The following MCTP2 variants were observed in gnomAD, a reference collection of about 807,000 sequenced individuals.
MCTP2 encodes multiple C2 and transmembrane domain-containing protein 2.
Under a neutral mutation model 111.6 loss-of-function variants are expected in MCTP2, and 132 were observed. The ratio of observed to expected loss-of-function variants is 1.18; its 90% CI spans 1.03 to 1.37. The LOEUF (loss-of-function observed/expected upper bound fraction) is 1.37. MCTP2 is among the 40% of genes most tolerant of loss of function. The pLI is 0.00. For missense variants in MCTP2, 1,183 were observed against 1,067.9 expected, an observed-to-expected ratio of 1.11 and a Z score of -1.50; for synonymous variants, 395 against 387.7, an observed-to-expected ratio of 1.02 and a Z score of -0.22.
Position 94,324,891 on chromosome 15 carries a change from G to C in MCTP2, c.637+9254G>C, listed in dbSNP as rs2076788593. Among the ~76,000 whole-genome samples the C allele has an allele frequency of 2.6e-5, 4 of 152,072 alleles. No homozygotes were observed. In the South Asian group the frequency reaches 8.3e-4, roughly 31 times the overall value. On this transcript the variant is annotated intron_variant, in intron 4 of 22. Transcript: ENST00000357742. ...GTTAAAATGACTGATTTAAGTCCTGGTTTTCTTTTGCTATTTAGCAGGCTA... is the reference window on the plus strand; with the variant it reads ...GTTAAAATGACTGATTTAAGTCCTGCTTTTCTTTTGCTATTTAGCAGGCTA...
chr15:94,358,261 G>A (rs1467786083), intron 9 of MCTP2, among the ~76,000 whole-genome samples: 1 of 152,156 alleles, frequency 6.6e-6, no homozygotes, highest in Non-Finnish European at 1.5e-5. Flanking sequence ...TAACTTGGTG[G>A]ATAAATTATT....
At chr15:94,474,893 A>G (rs985119886) in intron 21 of MCTP2, among the ~76,000 whole-genome samples, 9 of 151,478 alleles carry the variant, frequency 5.9e-5, no homozygotes, top group Admixed American at 3.9e-4. Context: ...GTCTCAGTGC[A>G]TTGTGGAATA....
chr15:94,326,825 C>T (rs1396484253), intron 4 of MCTP2, among the ~76,000 whole-genome samples: 1 of 104,388 alleles, frequency 9.6e-6, no homozygotes, highest in Non-Finnish European at 2.1e-5. Flanking sequence ...CCCACCCCCC[C>T]CCAACCTCGG....
At chr15:94,425,724 A>C (rs2082855682) in intron 17 of MCTP2, among the ~76,000 whole-genome samples, 1 of 152,172 alleles carries the variant, frequency 6.6e-6, no homozygotes, top group Non-Finnish European at 1.5e-5. Flanking sequence ...TGAGGCAGAG[A>C]TTAAACATAA....
intron 1 of MCTP2, among the ~76,000 whole-genome samples, chr15:94,271,437 A>G (rs2152298366): frequency 6.6e-6 from 1 of 152,316 alleles, no homozygotes; most frequent in South Asian, 2.1e-4. Flanking sequence ...GCAAATCTCT[A>G]GAGGTTATCA....
chr15:94,420,551 G>A (rs1490482858), intron 17 of MCTP2, among the ~76,000 whole-genome samples: 1 of 152,126 alleles, frequency 6.6e-6, no homozygotes, highest in African/African-American at 2.4e-5. Flanking sequence ...AGAAGGAGTC[G>A]ATTGCAGCCT....
At chr15:94,403,939 A>G (rs529499282) in intron 17 of MCTP2, among the ~76,000 whole-genome samples, 1 of 152,362 alleles carries the variant, frequency 6.6e-6, no homozygotes, top group East Asian at 1.9e-4. Context: ...CACCATTGAA[A>G]AAAATGCAGA....
At chr15:94,438,866 A>G (rs2083619972) in intron 17 of MCTP2, among the ~76,000 whole-genome samples, 2 of 152,280 alleles carry the variant, frequency 1.3e-5, no homozygotes, top group South Asian at 4.1e-4. Flanking sequence ...TTTTCATTAA[A>G]GCCACGAATT....
chr15:94,440,137 T>A (rs1200413499), intron 17 of MCTP2, 39 bp from the exon 18 acceptor site: 1 of 1,608,382 alleles, frequency 6.2e-7, no homozygotes, highest in African/African-American at 1.3e-5. Context: ...CCTAGTGTTT[T>A]ATCAAGCAGT....
intron 14 of MCTP2, among the ~76,000 whole-genome samples, chr15:94,395,234 G>T (rs1014265513): frequency 5.3e-5 from 8 of 152,204 alleles, no homozygotes; most frequent in African/African-American, 1.7e-4. Flanking sequence ...ATATGTCATG[G>T]TATTGTCACG....
intron 7 of MCTP2, chr15:94,343,231 A>G (rs1357079716): frequency 2.6e-5 from 4 of 152,088 alleles, no homozygotes; most frequent in Non-Finnish European, 5.9e-5. Flanking sequence ...GGGGTAAAAT[A>G]GATTATCAGA....
At chr15:94,232,638 C>T (rs971977774) in intron 1 of MCTP2, among the ~76,000 whole-genome samples, 2 of 152,098 alleles carry the variant, frequency 1.3e-5, no homozygotes, top group African/African-American at 4.8e-5. Context: ...TTGGGTAGCA[C>T]AGGTGTTGAT....
rs1567351451 is a variant in MCTP2 at position 94,298,297 on chromosome 15, C to T, written c.32C>T (p.Ser11Leu). The change falls in exon 2 of 23, where the codon TCA becomes TTA. Residue 11 changes from serine (S) to leucine (L), a missense_variant. Physicochemically the swap from Ser to Leu is moderately radical, Grantham distance 145. Transcript: ENST00000357742. MDLDKPSVWG[S>L]LKQRTRPLLI... ...CTGGATAAACCATCTGTTTGGGGCTCATTAAAACAGCGGACCAGGCCATTG... is the reference window on the plus strand; with the variant it reads ...CTGGATAAACCATCTGTTTGGGGCTTATTAAAACAGCGGACCAGGCCATTG... The T allele has an allele frequency of 6.2e-7, 1 of 1,613,584 alleles. No individual in the cohort carries two copies. The highest frequency in any genetic ancestry group is 2.2e-5 in the East Asian group (1 of 44,882).
At chr15:94,395,113 G>A (rs945964739) in intron 14 of MCTP2, among the ~76,000 whole-genome samples, 2 of 152,186 alleles carry the variant, frequency 1.3e-5, no homozygotes, top group Admixed American at 6.5e-5. Flanking sequence ...ACAAGAATGT[G>A]AATGGATACC....
At chr15:94,476,212 C>T (rs1265981474) in intron 21 of MCTP2, among the ~76,000 whole-genome samples, 6 of 152,154 alleles carry the variant, frequency 3.9e-5, no homozygotes, top group Admixed American at 1.3e-4. Context: ...CCCACTGCTA[C>T]GTTTGGTCCA....
At chr15:94,243,146 T>C in intron 1 of MCTP2, among the ~76,000 whole-genome samples, 1 of 147,974 alleles carries the variant, frequency 6.8e-6, no homozygotes, top group Admixed American at 6.7e-5. Context: ...TGGATATATT[T>C]ATATACGTGT....
intron 9 of MCTP2, among the ~76,000 whole-genome samples, chr15:94,357,770 T>C (rs2078710747): frequency 6.6e-6 from 1 of 152,214 alleles, no homozygotes; most frequent in African/African-American, 2.4e-5. Flanking sequence ...ACATTCTTGC[T>C]CACTTTGTAT....
chr15:94,390,335 C>G (rs1409430362), intron 14 of MCTP2, among the ~76,000 whole-genome samples: 1 of 151,918 alleles, frequency 6.6e-6, no homozygotes, highest in Non-Finnish European at 1.5e-5. Flanking sequence ...TGCTCATTTT[C>G]ACATTGCTCC....
intron 20 of MCTP2, among the ~76,000 whole-genome samples, chr15:94,468,622 T>G (rs2073626411): frequency 1.3e-5 from 2 of 152,140 alleles, no homozygotes; most frequent in South Asian, 2.1e-4. Context: ...AGGCAAAGAT[T>G]AAAAACAATA....
Sources: gnomAD v4.1 joint callset for allele counts (sites outside exome capture counted in the v4.1 genomes callset) on GRCh38, gnomAD v4.1.1 for gene constraint, MANE v1.5 for transcripts, NCBI Gene and HGNC (gene_info 2026-07-23, HGNC 2026-07-21) for gene names.